Variants in PSMB7 observed in about 807,000 individuals in gnomAD.
PSMB7 encodes proteasome 20S subunit beta 7, also known as proteasome subunit beta type-7.
In PSMB7, 5 loss-of-function variants were observed where a neutral mutation model predicts 28.1. That is an observed-to-expected ratio of 0.18 (90% CI 0.09 to 0.37). PSMB7 has a LOEUF of 0.37. Ranked by LOEUF, PSMB7 falls within the 10% of genes least tolerant of loss-of-function variation. The pLI is 1.00. For synonymous variants in PSMB7, 122 were observed against 123.7 expected (o/e 0.99, Z 0.09); for missense variants, 275 against 346.2 (o/e 0.79, Z 1.63).
chr9:124,407,325 T>C (rs932179833), intron 4 of PSMB7, among the ~76,000 whole-genome samples: 1 of 152,172 alleles, frequency 6.6e-6, no homozygotes, highest in Non-Finnish European at 1.5e-5. Flanking sequence ...CATTTGTAAG[T>C]AAAAACTTCA....
At chr9:124,390,764 G>A (rs1830775341) in intron 5 of PSMB7, among the ~76,000 whole-genome samples, 1 of 152,072 alleles carries the variant, frequency 6.6e-6, no homozygotes, top group South Asian at 2.1e-4. Context: ...AAAAATTGAA[G>A]AAAATCCAAC....
chr9:124,415,288 T>A, intron 1 of PSMB7, 76 bp downstream of exon 1: 1 of 1,453,126 alleles, frequency 6.9e-7, no homozygotes, highest in East Asian at 2.3e-5. Flanking sequence ...AATTCTCGTA[T>A]CACACCTTGG....
intron 5 of PSMB7, among the ~76,000 whole-genome samples, chr9:124,399,806 G>A (rs573103167): frequency 9.9e-5 from 15 of 152,186 alleles, no homozygotes; most frequent in East Asian, 1.9e-4. Flanking sequence ...CACTGGATTC[G>A]TCCTCACCCT....
At chr9:124,362,822 G>T (rs1051494178) in intron 6 of PSMB7, among the ~76,000 whole-genome samples, 1 of 152,140 alleles carries the variant, frequency 6.6e-6, no homozygotes, top group African/African-American at 2.4e-5. Flanking sequence ...TTTGCATATG[G>T]TAAGTATATA....
intron 5 of PSMB7, among the ~76,000 whole-genome samples, chr9:124,394,574 G>C (rs962538072): frequency 6.6e-6 from 1 of 152,064 alleles, no homozygotes; most frequent in Non-Finnish European, 1.5e-5. Context: ...TAAAATGTCA[G>C]AGCAGGGAAA....
intron 5 of PSMB7, among the ~76,000 whole-genome samples, chr9:124,384,919 T>C (rs1309345317): frequency 6.6e-6 from 1 of 152,232 alleles, no homozygotes; most frequent in Non-Finnish European, 1.5e-5. Flanking sequence ...TTATTCACAA[T>C]AAAATGCTGA....
At position 124,356,622 on chromosome 9, in the gene PSMB7, G is replaced by T; in HGVS notation, c.722+142C>A. 3 of 935,784 alleles carry T rather than the reference G, an allele frequency of 3.2e-6. No homozygotes were observed. The highest frequency in any genetic ancestry group is 4.7e-6 in the Non-Finnish European group (3 of 633,030). 58.0% of individuals were successfully genotyped at this position (935,784 alleles called of 1,614,324 possible). A position where few individuals can be genotyped will look rare whatever the true frequency, so the allele number is the denominator to read the frequency against. ...TCATAAAGCAAGTAACAAGCCGAAGGTCTGTGTGGGAGGTTGATTTGGGAA... is the reference window on the plus strand; with the variant it reads ...TCATAAAGCAAGTAACAAGCCGAAGTTCTGTGTGGGAGGTTGATTTGGGAA... On this transcript the variant is annotated intron_variant, in intron 7 of 7. Coordinates refer to ENST00000259457, the MANE Select transcript of PSMB7 (RefSeq NM_002799.4). This position sits in a 1 kb window ranked among gnomAD's most constrained non-coding sequence, Gnocchi z 4.4.
At chr9:124,385,239 T>C (rs183408865) in intron 5 of PSMB7, among the ~76,000 whole-genome samples, 1 of 152,382 alleles carries the variant, frequency 6.6e-6, no homozygotes, top group Non-Finnish European at 1.5e-5. Context: ...TTTGGAGCTA[T>C]TATTTTTAGT....
At position 124,388,983 on chromosome 9, in the gene PSMB7, T is replaced by C. The variant is rs530387591; in HGVS notation, c.512-4327A>G. ...ATGGCAGCATTAGGAGAGACGCTTATTGAATGAAGCTGCACTAAAAGTGAG... is the reference window on the plus strand; with the variant it reads ...ATGGCAGCATTAGGAGAGACGCTTACTGAATGAAGCTGCACTAAAAGTGAG... On this transcript the variant is annotated intron_variant, in intron 5 of 7. Transcript: ENST00000259457. Among the ~76,000 whole-genome samples the C allele has an allele frequency of 8.5e-5, 13 of 152,284 alleles. 1 individual carries two copies. In the South Asian group the frequency reaches 1.2e-3, roughly 15 times the overall value.
At chr9:124,393,465 AAATGTACCTC>A (rs1564682868) in intron 5 of PSMB7, among the ~76,000 whole-genome samples, 1 of 152,240 alleles carries the variant, frequency 6.6e-6, no homozygotes, top group African/African-American at 2.4e-5. Flanking sequence ...TTTCATCAGC[AAATGTACCTC>A]AATGTCAAAG....
chr9:124,401,402 C>T (rs1473864552), intron 5 of PSMB7, among the ~76,000 whole-genome samples: 2 of 152,274 alleles, frequency 1.3e-5, no homozygotes, highest in Non-Finnish European at 2.9e-5. Context: ...GTCTCCCTCA[C>T]AAGACTATAG....
At chr9:124,372,145 A>G (rs1445811626) in intron 6 of PSMB7, among the ~76,000 whole-genome samples, 1 of 152,204 alleles carries the variant, frequency 6.6e-6, no homozygotes, top group African/African-American at 2.4e-5. Flanking sequence ...CTTCTTTTCT[A>G]TCTACTTTGC....
intron 6 of PSMB7, among the ~76,000 whole-genome samples, chr9:124,362,216 G>A (rs1165059391): frequency 2.6e-5 from 4 of 152,326 alleles, no homozygotes; most frequent in African/African-American, 9.6e-5. Flanking sequence ...AATTTAAAAA[G>A]AAATAAAATT....
chr9:124,406,994 A>G (rs890198177), intron 4 of PSMB7, among the ~76,000 whole-genome samples: 42 of 152,126 alleles, frequency 2.8e-4, no homozygotes, highest in Non-Finnish European at 3.5e-4. Context: ...CTCAAAAAAT[A>G]AAAAATAAAA....
intron 6 of PSMB7, among the ~76,000 whole-genome samples, chr9:124,366,104 A>C (rs952798094): frequency 7.6e-6 from 1 of 131,176 alleles, no homozygotes; most frequent in African/African-American, 2.7e-5. Flanking sequence ...ATTAAAAAAA[A>C]ATTTTTTTAA....
intron 5 of PSMB7, among the ~76,000 whole-genome samples, chr9:124,395,340 A>T (rs942386887): frequency 1.2e-4 from 18 of 145,160 alleles, no homozygotes; most frequent in South Asian, 4.4e-4. Flanking sequence ...GAAAGAAATT[A>T]AAAAAAAAAA....
chr9:124,392,350 C>T (rs1440680605), intron 5 of PSMB7, among the ~76,000 whole-genome samples: 1 of 152,202 alleles, frequency 6.6e-6, no homozygotes, highest in Non-Finnish European at 1.5e-5. Context: ...GGCTCTGGCG[C>T]TCCCTAGCTG....
chr9:124,356,354 G>A lies in PSMB7; in HGVS notation c.722+410C>T, dbSNP rs534113583. Among the ~76,000 whole-genome samples the A allele has an allele frequency of 6.6e-6, 1 of 152,310 alleles. No homozygotes were observed. The highest frequency in any genetic ancestry group is 6.5e-5 in the Admixed American group (1 of 15,294). On this transcript the variant is annotated intron_variant, in intron 7 of 7. Coordinates refer to ENST00000259457, the MANE Select transcript of PSMB7 (RefSeq NM_002799.4). The surrounding 1 kb of genome is among the most constrained non-coding windows in gnomAD (Gnocchi z 4.4). ...CTCCCAAGGCCACCTCTGGGAGGCT[G>A]TTAGCATTGCTGACTTACACCCAGT...
intron 6 of PSMB7, among the ~76,000 whole-genome samples, chr9:124,373,945 C>G (rs1165830683): frequency 6.6e-6 from 1 of 152,182 alleles, no homozygotes; most frequent in Non-Finnish European, 1.5e-5. Flanking sequence ...AAAACTTGTA[C>G]ACCAATGCTC....
Sources: allele counts gnomAD v4.1 joint callset (sites outside exome capture counted in the v4.1 genomes callset), GRCh38; gene constraint gnomAD v4.1.1; non-coding constraint Gnocchi (gnomAD v3.1); transcripts MANE v1.5; gene names NCBI Gene and HGNC (gene_info 2026-07-23, HGNC 2026-07-21).